Variants in NADK2 observed in about 807,000 individuals in gnomAD.
NADK2 encodes the protein NAD kinase domain-containing protein 1, mitochondrial.
NADK2 carries 35 observed loss-of-function variants against 62.1 expected under a neutral mutation model. The ratio of observed to expected loss-of-function variants is 0.56; its 90% CI spans 0.43 to 0.75. NADK2 has a LOEUF of 0.75. Ranked by LOEUF, NADK2 falls within the 30% of genes least tolerant of loss-of-function variation. NADK2 has a pLI of 0.00. For missense variants in NADK2, 439 were observed against 561.3 expected (o/e 0.78, Z 2.20); for synonymous variants, 205 against 207.9 (o/e 0.99, Z 0.12).
chr5:36,198,980 T>G (rs1746336531), intron 10 of NADK2, among the ~76,000 whole-genome samples: 1 of 151,004 alleles, frequency 6.6e-6, no homozygotes, highest in East Asian at 2.0e-4. Context: ...ATGTTCTCAC[T>G]CATAGGTGGG....
At chr5:36,238,004 ACTTTAGATAGACACT>A (rs1158894458) in intron 1 of NADK2, among the ~76,000 whole-genome samples, 1 of 152,280 alleles carries the variant, frequency 6.6e-6, no homozygotes, top group East Asian at 1.9e-4. Flanking sequence ...CCAGATGTTC[ACTTTAGATAGACACT>A]CTGGTAACTG....
At chr5:36,199,806 C>T (rs1195130888) in intron 10 of NADK2, among the ~76,000 whole-genome samples, 2 of 151,874 alleles carry the variant, frequency 1.3e-5, no homozygotes, top group African/African-American at 4.8e-5. Flanking sequence ...TTACAGGAAT[C>T]GTGAGGTAAT....
chr5:36,215,762 GC>G (rs1310947835), intron 6 of NADK2, among the ~76,000 whole-genome samples: 1 of 152,106 alleles, frequency 6.6e-6, no homozygotes, highest in East Asian at 1.9e-4. Flanking sequence ...TCATGTTGCT[GC>G]AAATCTCAGG....
chr5:36,239,973 G>A (rs1340890662), intron 1 of NADK2, among the ~76,000 whole-genome samples: 1 of 152,130 alleles, frequency 6.6e-6, no homozygotes, highest in Non-Finnish European at 1.5e-5. Flanking sequence ...TTAAATTGTT[G>A]TGGGAAGCTT....
chr5:36,228,371 G>A (rs1747564219), intron 1 of NADK2, among the ~76,000 whole-genome samples: 1 of 152,044 alleles, frequency 6.6e-6, no homozygotes, highest in Non-Finnish European at 1.5e-5. Flanking sequence ...ATTCAAAAGT[G>A]TGTTATTTGT....
intron 1 of NADK2, among the ~76,000 whole-genome samples, chr5:36,238,474 AT>A (rs932462915): frequency 4.6e-5 from 7 of 152,248 alleles, no homozygotes; most frequent in South Asian, 2.1e-4. Flanking sequence ...CTACATTAAA[AT>A]TTTTTTTCCT....
At chr5:36,228,906 T>C (rs1231950714) in intron 1 of NADK2, among the ~76,000 whole-genome samples, 2 of 152,048 alleles carry the variant, frequency 1.3e-5, no homozygotes, top group Admixed American at 1.3e-4. Context: ...GTTACAGGTG[T>C]GAGCCATCAC....
At chr5:36,239,247 T>C (rs1246062025) in intron 1 of NADK2, among the ~76,000 whole-genome samples, 1 of 152,230 alleles carries the variant, frequency 6.6e-6, no homozygotes, top group Non-Finnish European at 1.5e-5. Flanking sequence ...TTATCACTCC[T>C]ATTACAGAAT....
chr5:36,214,411 C>A (rs1746967655), intron 6 of NADK2, among the ~76,000 whole-genome samples: 1 of 152,138 alleles, frequency 6.6e-6, no homozygotes, highest in Non-Finnish European at 1.5e-5. Context: ...AACTCCTGAC[C>A]TCAGGTGATC....
At position 36,195,046 on chromosome 5, in the gene NADK2, C is replaced by T. The variant is rs1031230266; in HGVS notation, c.*98G>A. The T allele has an allele frequency of 8.8e-6, 12 of 1,359,230 alleles. No individual in the cohort carries two copies. The Admixed American group carries it at 9.7e-5, about 11-fold the overall frequency. The allele number at this position is 1,359,230 out of a possible 1,614,324, so 84.2% of individuals were successfully genotyped here. On this transcript the variant is annotated 3_prime_UTR_variant, in exon 12 of 12. Coordinates refer to ENST00000381937, the MANE Select transcript of NADK2 (RefSeq NM_001085411.3). ...ACTTCTGAGCCCACGGGCAAGCAGT[C>T]TCAACAATAACCAAAAAATGTCACT...
At chr5:36,210,202 T>A (rs1440353887) in intron 7 of NADK2, among the ~76,000 whole-genome samples, 1 of 152,162 alleles carries the variant, frequency 6.6e-6, no homozygotes, top group Non-Finnish European at 1.5e-5. Context: ...TTTACTTACA[T>A]CTACAAGGAT....
chr5:36,220,714 A>C (rs1225878220), intron 4 of NADK2, among the ~76,000 whole-genome samples: 3 of 152,248 alleles, frequency 2.0e-5, no homozygotes, highest in African/African-American at 4.8e-5. Context: ...CTGCAAGTCT[A>C]AAACCCTTGC....
intron 1 of NADK2, among the ~76,000 whole-genome samples, chr5:36,232,305 T>C (rs1223911952): frequency 1.3e-5 from 2 of 152,230 alleles, no homozygotes; most frequent in South Asian, 4.1e-4. Context: ...AGTATTGCTA[T>C]TTTGTACTCT....
chr5:36,230,944 A>T (rs1747686803), intron 1 of NADK2, among the ~76,000 whole-genome samples: 1 of 152,238 alleles, frequency 6.6e-6, no homozygotes, highest in African/African-American at 2.4e-5. Flanking sequence ...TACAACAGTT[A>T]TATCTAATTT....
At position 36,193,695 on chromosome 5, in the gene NADK2, T is replaced by TATAC. The variant is rs1746114530; in HGVS notation, c.*1445_*1448dup. ...CTTTAAGAAAAATTGATTCTCTGGA[T>TATAC]ATACATCAAAACCTAGATTAACTTT... On this transcript the variant is annotated 3_prime_UTR_variant, in exon 12 of 12. Transcript: ENST00000381937. 1 of 152,506 alleles carries TATAC rather than the reference T, an allele frequency of 6.6e-6. No homozygotes were observed. The highest frequency in any genetic ancestry group is 2.4e-5 in the African/African-American group (1 of 41,458). 9.4% of individuals were successfully genotyped at this position (152,506 alleles called of 1,614,324 possible). A position where few individuals can be genotyped will look rare whatever the true frequency, so the allele number is the denominator to read the frequency against.
At position 36,198,972 on chromosome 5, in the gene NADK2, G is replaced by A. The variant is rs1183304197; in HGVS notation, c.1066+1255C>T. On this transcript the variant is annotated intron_variant, in intron 10 of 11. Transcript: ENST00000381937. ...CTGTTCAAATATTGTATCAGGTTAT[G>A]TTCTCACTCATAGGTGGGAACTGAA... Among the ~76,000 whole-genome samples the A allele has an allele frequency of 2.7e-5, 4 of 150,786 alleles. No individual in the cohort carries two copies. In the Admixed American group the frequency reaches 2.7e-4, roughly 10 times the overall value.
rs1019808267 is a variant in NADK2 at position 36,193,523 on chromosome 5, G to T, written c.*1621C>A. On this transcript the variant is annotated 3_prime_UTR_variant, in exon 12 of 12. Coordinates refer to ENST00000381937, the MANE Select transcript of NADK2 (RefSeq NM_001085411.3). ...AGGTATTTTAAGCCTGTTAGGGGAG[G>T]TTCTATAGTATGGAGCTTCTTTATA... 2 of 149,174 alleles carry T rather than the reference G, an allele frequency of 1.3e-5. No individual in the cohort carries two copies. The highest frequency in any genetic ancestry group is 4.9e-5 in the African/African-American group (2 of 40,448). The allele number at this position is 149,174 out of a possible 1,614,324, so 9.2% of individuals were successfully genotyped here. A position where few individuals can be genotyped will look rare whatever the true frequency, so the allele number is the denominator to read the frequency against.
rs1240703531 is a variant in NADK2 at position 36,201,130 on chromosome 5, C to T, written c.988G>A (p.Ala330Thr). 1 of 1,612,404 alleles carries T rather than the reference C, an allele frequency of 6.2e-7. No homozygotes were observed. The highest frequency in any genetic ancestry group is 2.2e-5 in the East Asian group (1 of 44,846). ...CCAATATTTAAAACATCTTCTACAG[C>T]CTGAGTTGCAACCCTGTTAATATTG... is the stretch of plus-strand genomic sequence containing the variant. ...SFNINRVATQ[A>T]VEDVLNIAKR... The change falls in exon 9 of 12, where the codon GCT becomes ACT. Residue 330 changes from alanine to threonine, a missense_variant. Physicochemically the swap from Ala to Thr is moderately conservative, Grantham distance 58 (BLOSUM62 0). Coordinates refer to ENST00000381937, the MANE Select transcript of NADK2 (RefSeq NM_001085411.3).
chr5:36,223,237 T>C (rs1257224272), intron 4 of NADK2, among the ~76,000 whole-genome samples: 1 of 151,724 alleles, frequency 6.6e-6, no homozygotes, highest in African/African-American at 2.4e-5. Context: ...AAAAAAAAAA[T>C]CTAGGCAGAG....
Sources: allele counts gnomAD v4.1 joint callset (sites outside exome capture counted in the v4.1 genomes callset), GRCh38; gene constraint gnomAD v4.1.1; transcripts MANE v1.5; gene names NCBI Gene and HGNC (gene_info 2026-07-23, HGNC 2026-07-21).